Variants in ABR observed in about 807,000 individuals in gnomAD.
The protein encoded by ABR is ABR activator of RhoGEF and GTPase, also known as active breakpoint cluster region-related protein.
Under a neutral mutation model 107.2 loss-of-function variants are expected in ABR, and 35 were observed. The observed-to-expected ratio is 0.33, with a 90% CI of 0.25 to 0.43. ABR has a LOEUF of 0.43. Among genes scored for constraint, ABR ranks in the 20% least tolerant of loss-of-function variants. The pLI, the probability that ABR is intolerant of heterozygous loss-of-function variation, is 1.00. For missense variants in ABR, 815 were observed against 1,115.2 expected, an observed-to-expected ratio of 0.73 and a Z score of 3.83; for synonymous variants, 498 against 462.0, an observed-to-expected ratio of 1.08 and a Z score of -1.00.
chr17:1,068,180 G>C (rs544402615), intron 9 of ABR, among the ~76,000 whole-genome samples: 1 of 152,304 alleles, frequency 6.6e-6, no homozygotes, highest in Admixed American at 6.5e-5. Context: ...TGATCCACCC[G>C]CCTTGGCCTC....
intron 9 of ABR, among the ~76,000 whole-genome samples, 169 bp from the exon 10 acceptor site, chr17:1,067,411 G>A (rs550859479): frequency 6.6e-5 from 10 of 152,328 alleles, no homozygotes; most frequent in East Asian, 1.9e-4. Flanking sequence ...ACACTGGAGT[G>A]ATGAAAGCTG....
chr17:1,119,820 C>G (rs1428345100), intron 2 of ABR, among the ~76,000 whole-genome samples: 4 of 152,230 alleles, frequency 2.6e-5, no homozygotes, highest in African/African-American at 9.7e-5. Context: ...GCTCTGGCAT[C>G]ATAGAAACCC....
At chr17:1,176,547 A>G (rs1330789749) in intron 1 of ABR, among the ~76,000 whole-genome samples, 1 of 152,198 alleles carries the variant, frequency 6.6e-6, no homozygotes, top group Non-Finnish European at 1.5e-5. Flanking sequence ...GAGAATGGAT[A>G]GAAAGTGCCT....
At chr17:1,156,614 G>A (rs550843883) in intron 1 of ABR, among the ~76,000 whole-genome samples, 41 of 152,160 alleles carry the variant, frequency 2.7e-4, no homozygotes, top group Non-Finnish European at 5.0e-4. Flanking sequence ...AACCCGGGAG[G>A]CGGAGGTTGC....
In ABR at chr17:1,084,032, G is replaced by C. The variant is rs75377792; in HGVS notation, c.532-405C>G. 0.047 allele frequency among the ~76,000 whole-genome samples: 7,215 copies of C among 152,164 alleles called. 259 individuals carry two copies. The highest frequency in any genetic ancestry group is 0.18 in the East Asian group (942 of 5,164). On this transcript the variant is annotated intron_variant, in intron 4 of 22. Transcript: ENST00000302538. This position sits in a 1 kb window ranked among gnomAD's most constrained non-coding sequence, Gnocchi z 4.2. The stretch of plus-strand genomic sequence containing the variant: ...GGGAGAGAGGGGGGTGTGTGTGCTG[G>C]GGGGAGCTGGCACGTGTGGCCTGCT...
chr17:1,148,534 C>A lies in ABR; in HGVS notation c.62-23167G>T, dbSNP rs550082069. 6.6e-6 allele frequency among the ~76,000 whole-genome samples: 1 copy of A among 152,292 alleles called. No individual in the cohort carries two copies. The highest frequency in any genetic ancestry group is 2.1e-4 in the South Asian group (1 of 4,820). ...GCCTGTTGGGAACCAGGATGCACAG[C>A]CGGAGGTGAGTGGTGGGTGAGCAAG... On this transcript the variant is annotated intron_variant, in intron 1 of 22. Transcript: ENST00000302538. This position sits in a 1 kb window ranked among gnomAD's most constrained non-coding sequence, Gnocchi z 4.9.
At chr17:1,044,637 C>G in intron 16 of ABR, among the ~76,000 whole-genome samples, 1 of 138,078 alleles carries the variant, frequency 7.2e-6, no homozygotes. Context: ...GGCAGCACAG[C>G]AAGACCCCAT....
upstream of ABR, among the ~76,000 whole-genome samples, chr17:1,183,711 T>C (rs191478275): frequency 2.9e-3 from 440 of 152,256 alleles, 2 homozygotes; most frequent in Non-Finnish European, 2.7e-3. Flanking sequence ...TCTGCTTCCT[T>C]GATCACCCAG....
chr17:1,066,347 A>G (rs1267539247), intron 10 of ABR, among the ~76,000 whole-genome samples: 1 of 152,218 alleles, frequency 6.6e-6, no homozygotes, highest in Admixed American at 6.5e-5. Context: ...CTGTCAGGGC[A>G]CAAGCTTCTC....
rs1567740001 is a variant in ABR, at chr17:1,092,899, C to CA, written c.346-1050_346-1049insT. ...AGGCTGGAGTGCAGTGGTGCGATCT[C>CA]GGCTCCGCCTCCCGGGTTCACGCCA... On this transcript the variant is annotated intron_variant, in intron 3 of 22. Coordinates refer to ENST00000302538, the MANE Select transcript of ABR (RefSeq NM_021962.5). This position sits in a 1 kb window ranked among gnomAD's most constrained non-coding sequence, Gnocchi z 4.6. 1.1e-4 allele frequency among the ~76,000 whole-genome samples: 4 copies of CA among 36,042 alleles called. No individual in the cohort carries two copies. The highest frequency in any genetic ancestry group is 1.8e-4 in the Non-Finnish European group (3 of 16,792). 23.6% of individuals were successfully genotyped at this position (36,042 alleles called of 152,430 possible).
chr17:1,014,365 C>A (rs1398523608), intron 16 of ABR, among the ~76,000 whole-genome samples: 4 of 132,262 alleles, frequency 3.0e-5, no homozygotes, highest in Non-Finnish European at 3.2e-5. Flanking sequence ...AGCGTGAACC[C>A]GGGAGGCAGA....
intron 16 of ABR, among the ~76,000 whole-genome samples, chr17:1,045,352 ATCTTCTTACAGCAGGACAATCTTCCG>A (rs71148417): frequency 6.5e-3 from 891 of 137,478 alleles, no homozygotes; most frequent in Admixed American, 0.012. Context: ...ACAATCTTCC[ATCTTCTTACAGCAGGACAATCTTCCG>A]TCTTCTTACA....
Position 1,179,548 on chromosome 17 carries a change from G to GGGT in ABR, c.61+118_61+119insACC. On this transcript the variant is annotated intron_variant, in intron 1 of 22. Coordinates refer to ENST00000302538, the MANE Select transcript of ABR (RefSeq NM_021962.5). The surrounding 1 kb of genome is among the most constrained non-coding windows in gnomAD (Gnocchi z 4.9). ...GCCCCCGCCCGCGCTCCCCGGACCA[G>GGGT]CCCGGTGCCTGGGTCCCGATCCCGA... 1 of 1,132,384 alleles carries GGGT rather than the reference G, an allele frequency of 8.8e-7. No homozygotes were observed. Among genetic ancestry groups the GGGT allele is most frequent in the Non-Finnish European group, 1.2e-6 (1 of 854,348 alleles). The allele number at this position is 1,132,384 out of a possible 1,614,324, so 70.1% of individuals were successfully genotyped here.
intron 7 of ABR, among the ~76,000 whole-genome samples, 193 bp from the exon 8 acceptor site, chr17:1,072,947 G>A (rs1288550125): frequency 5.3e-5 from 8 of 152,168 alleles, no homozygotes; most frequent in African/African-American, 7.2e-5. Context: ...TTGGGAGGCC[G>A]AGGCGGGGGA....
In ABR at chr17:1,011,783, G is replaced by A. The variant is rs958160974; in HGVS notation, c.2101+63C>T. On this transcript the variant is annotated intron_variant, in intron 19 of 22. Transcript: ENST00000302538. This position sits in a 1 kb window ranked among gnomAD's most constrained non-coding sequence, Gnocchi z 4.8. ...GCTCCTGGTTCCCCCGAGCTCTCCT[G>A]TCCATCCCACCAGCCTGCTCAGACA... is the stretch of plus-strand genomic sequence containing the variant. 4 of 1,511,674 alleles carry A rather than the reference G, an allele frequency of 2.6e-6. No homozygotes were observed. The highest frequency in any genetic ancestry group is 2.8e-5 in the African/African-American group (2 of 72,174). The allele number at this position is 1,511,674 out of a possible 1,614,324, so 93.6% of individuals were successfully genotyped here.
intron 16 of ABR, among the ~76,000 whole-genome samples, chr17:1,048,194 C>A (rs1190851302): frequency 6.6e-6 from 1 of 152,224 alleles, no homozygotes; most frequent in Non-Finnish European, 1.5e-5. Flanking sequence ...GACTGGCTGG[C>A]AGTTGCCTGG....
At chr17:1,077,216 G>A (rs927048145) in intron 6 of ABR, among the ~76,000 whole-genome samples, 8 of 152,150 alleles carry the variant, frequency 5.3e-5, no homozygotes, top group Admixed American at 3.3e-4. Flanking sequence ...CCACAGGAGC[G>A]TTCTTGGAAA....
At chr17:1,021,411 C>A (rs2071619037) in intron 16 of ABR, among the ~76,000 whole-genome samples, 1 of 152,232 alleles carries the variant, frequency 6.6e-6, no homozygotes, top group Non-Finnish European at 1.5e-5. Context: ...CCCATCCTGC[C>A]TCTCACGGCT....
At chr17:1,039,063 C>G (rs1168117983) in intron 16 of ABR, among the ~76,000 whole-genome samples, 1 of 152,210 alleles carries the variant, frequency 6.6e-6, no homozygotes, top group Non-Finnish European at 1.5e-5. Flanking sequence ...GGTCCCGTGC[C>G]TCTGAGTCTG....
Sources: allele counts gnomAD v4.1 joint callset (sites outside exome capture counted in the v4.1 genomes callset), GRCh38; gene constraint gnomAD v4.1.1; non-coding constraint Gnocchi (gnomAD v3.1); transcripts MANE v1.5; gene names NCBI Gene and HGNC (gene_info 2026-07-23, HGNC 2026-07-21).